Variants in CA10 observed in about 807,000 individuals in gnomAD.
CA10 encodes carbonic anhydrase-related protein 10.
In CA10, 14 loss-of-function variants were observed where a neutral mutation model predicts 44.2. The observed-to-expected ratio is 0.32, with a 90% CI of 0.21 to 0.50. CA10 has a LOEUF of 0.50. Among genes scored for constraint, CA10 ranks in the 20% least tolerant of loss-of-function variants. The pLI is 0.99. For synonymous variants in CA10, 159 were observed against 141.6 expected (o/e 1.12, Z -0.87); for missense variants, 350 against 409.7 (o/e 0.85, Z 1.26).
At chr17:52,024,106 C>A (rs914302290) in intron 2 of CA10, among the ~76,000 whole-genome samples, 4 of 152,048 alleles carry the variant, frequency 2.6e-5, no homozygotes, top group Non-Finnish European at 4.4e-5. Context: ...CTGCTTAGGG[C>A]TTCATAACCT....
At position 51,757,994 on chromosome 17, in the gene CA10, T is replaced by C. The variant is rs4794302; in HGVS notation, c.280-10176A>G. Among the ~76,000 whole-genome samples, 974 of 152,304 alleles carry C rather than the reference T, an allele frequency of 6.4e-3. 13 individuals are homozygous for C. The highest frequency in any genetic ancestry group is 8.0e-3 in the Non-Finnish European group (543 of 68,024). ...AAAATGGAACCAGACTGGAGCGATC[T>C]GCTTCGAGTTACCATTGGTGGGATT... On this transcript the variant is annotated intron_variant, in intron 3 of 8. Transcript: ENST00000451037.
intron 4 of CA10, among the ~76,000 whole-genome samples, chr17:51,685,090 ATGC>A (rs1914964253): frequency 1.3e-5 from 2 of 152,236 alleles, no homozygotes; most frequent in Non-Finnish European, 2.9e-5. Context: ...GAGGACTCTC[ATGC>A]TAAAAATACA....
chr17:51,917,576 C>G (rs139611212), intron 3 of CA10, among the ~76,000 whole-genome samples: 76 of 152,244 alleles, frequency 5.0e-4, no homozygotes, highest in African/African-American at 1.7e-3. Context: ...GGGGAAGCCT[C>G]GGGGAGTTTT....
intron 3 of CA10, among the ~76,000 whole-genome samples, chr17:51,928,133 G>C (rs1982504622): frequency 1.3e-5 from 2 of 151,902 alleles, no homozygotes; most frequent in African/African-American, 2.4e-5. Context: ...GATTTATTGG[G>C]GATGGGATCC....
At chr17:51,647,551 G>A (rs1220528966) in intron 6 of CA10, among the ~76,000 whole-genome samples, 2 of 152,110 alleles carry the variant, frequency 1.3e-5, no homozygotes, top group Non-Finnish European at 2.9e-5. Flanking sequence ...GACCAGTGCT[G>A]GGGGATGGGT....
intron 4 of CA10, among the ~76,000 whole-genome samples, chr17:51,684,407 C>G (rs73987152): frequency 6.6e-6 from 1 of 152,276 alleles, no homozygotes; most frequent in African/African-American, 2.4e-5. Context: ...CAGTGCACCC[C>G]CACCGTTCCC....
intron 3 of CA10, among the ~76,000 whole-genome samples, chr17:51,893,142 A>T (rs1383454878): frequency 6.6e-6 from 1 of 152,170 alleles, no homozygotes; most frequent in Admixed American, 6.6e-5. Flanking sequence ...AAAAGACTAT[A>T]ATCAAAATAC....
chr17:51,775,886 T>C (rs1233082062), intron 3 of CA10, among the ~76,000 whole-genome samples: 1 of 152,070 alleles, frequency 6.6e-6, no homozygotes, highest in Non-Finnish European at 1.5e-5. Flanking sequence ...GGGAGGCAGG[T>C]GTGGCTGAAA....
intron 3 of CA10, among the ~76,000 whole-genome samples, chr17:51,749,205 C>T (rs1904808690): frequency 2.0e-5 from 3 of 152,236 alleles, no homozygotes; most frequent in African/African-American, 7.2e-5. Flanking sequence ...CCTATAACTA[C>T]ACTCCCAACA....
chr17:51,970,026 G>A (rs1567904481), intron 2 of CA10, among the ~76,000 whole-genome samples: 2 of 151,910 alleles, frequency 1.3e-5, no homozygotes, highest in Non-Finnish European at 1.5e-5. Context: ...TCAAAGAATA[G>A]CTAGCTCAAG....
chr17:52,028,914 C>G (rs1354601074), intron 2 of CA10, among the ~76,000 whole-genome samples: 1 of 152,196 alleles, frequency 6.6e-6, no homozygotes, highest in African/African-American at 2.4e-5. Flanking sequence ...ACATAGCTTA[C>G]GCTAAAACTC....
At chr17:51,761,440 TCTC>T (rs1430425237) in intron 3 of CA10, 1 of 151,992 alleles carries the variant, frequency 6.6e-6, no homozygotes, top group African/African-American at 2.4e-5. Flanking sequence ...TCTTAATATC[TCTC>T]CTAAGAATTT....
At chr17:51,720,880 T>C (rs1215450064) in intron 4 of CA10, among the ~76,000 whole-genome samples, 3 of 152,120 alleles carry the variant, frequency 2.0e-5, no homozygotes, top group Non-Finnish European at 4.4e-5. Flanking sequence ...TACTTTAAAA[T>C]TGCTAATAGA....
chr17:51,872,255 T>C (rs570732775), intron 3 of CA10, among the ~76,000 whole-genome samples: 35 of 152,314 alleles, frequency 2.3e-4, no homozygotes, highest in Admixed American at 6.5e-4. Context: ...ACAGAGTGAC[T>C]TGGAACCTTA....
At chr17:51,923,146 T>A (rs1355334492) in intron 3 of CA10, among the ~76,000 whole-genome samples, 1 of 152,194 alleles carries the variant, frequency 6.6e-6, no homozygotes, top group Non-Finnish European at 1.5e-5. Flanking sequence ...AGACAGCTAT[T>A]GAGTTTTAAA....
At chr17:52,069,314 A>G (rs549642831) in intron 2 of CA10, among the ~76,000 whole-genome samples, 10 of 152,304 alleles carry the variant, frequency 6.6e-5, no homozygotes, top group African/African-American at 2.4e-4. Flanking sequence ...TTGTTGGTAT[A>G]AATCTCAGCC....
chr17:51,827,493 C>T (rs572448249), intron 3 of CA10, among the ~76,000 whole-genome samples: 38 of 152,280 alleles, frequency 2.5e-4, no homozygotes, highest in Non-Finnish European at 5.0e-4. Flanking sequence ...TACAAGCTTT[C>T]TTACTTGAGG....
chr17:51,671,646 C>A (rs367593315), intron 4 of CA10, among the ~76,000 whole-genome samples: 3 of 152,186 alleles, frequency 2.0e-5, no homozygotes, highest in Non-Finnish European at 4.4e-5. Context: ...CTTCATGATC[C>A]GCCTGCCTCG....
chr17:51,894,267 G>A (rs923145170), intron 3 of CA10, among the ~76,000 whole-genome samples: 1 of 152,108 alleles, frequency 6.6e-6, no homozygotes, highest in Non-Finnish European at 1.5e-5. Context: ...ACCTGAAAGA[G>A]CTGTCCCGTT....
Sources: gnomAD v4.1 joint callset for allele counts (sites outside exome capture counted in the v4.1 genomes callset) on GRCh38, gnomAD v4.1.1 for gene constraint, MANE v1.5 for transcripts, NCBI Gene and HGNC (gene_info 2026-07-23, HGNC 2026-07-21) for gene names.